The following PCDHA7 variants were observed in gnomAD, a reference collection of about 807,000 sequenced individuals.
PCDHA7 encodes protocadherin alpha 7, also known as protocadherin alpha-7.
In PCDHA7, 37 loss-of-function variants were observed where a neutral mutation model predicts 57.2. The observed-to-expected ratio is 0.65, with a 90% CI of 0.50 to 0.85. The LOEUF is 0.85. Ranked by LOEUF, PCDHA7 falls within the 40% of genes least tolerant of loss-of-function variation. The pLI, the probability that PCDHA7 is intolerant of heterozygous loss-of-function variation, is 0.00. For missense variants in PCDHA7, 1,188 were observed against 1,241.8 expected (o/e 0.96, Z 0.65); for synonymous variants, 553 against 558.8 (o/e 0.99, Z 0.15).
Position 140,850,211 on chromosome 5 carries a change from C to A in PCDHA7, c.2355+13473C>A, listed in dbSNP as rs2150473492. The stretch of plus-strand genomic sequence containing the variant: ...CGCTGCTGACACCTCGGATGAGGGG[C>A]ACTGACGGCGCAGTGAGCGAGATGG... On this transcript the variant is annotated intron_variant, in intron 1 of 3. Coordinates refer to ENST00000525929, the MANE Select transcript of PCDHA7 (RefSeq NM_018910.3). The A allele has an allele frequency of 5.0e-6, 8 of 1,593,540 alleles. 1 individual carries two copies. Among genetic ancestry groups the A allele is most frequent in the Non-Finnish European group, 6.0e-6 (7 of 1,167,626 alleles).
At chr5:140,867,316 T>C (rs1234644689) in intron 1 of PCDHA7, 5 of 152,146 alleles carry the variant, frequency 3.3e-5, no homozygotes, top group African/African-American at 1.2e-4. Context: ...TGTCATCTGG[T>C]CTAATGTTAT....
At chr5:140,858,190 G>T in intron 1 of PCDHA7, 1 of 1,597,502 alleles carries the variant, frequency 6.3e-7, no homozygotes, top group Admixed American at 1.7e-5. Context: ...TCACGCTGCT[G>T]CTGTACACTG....
intron 1 of PCDHA7, chr5:140,966,750 C>T: frequency 7.0e-7 from 1 of 1,428,438 alleles, no homozygotes; most frequent in African/African-American, 1.5e-5. Context: ...CGGCTGCCTC[C>T]GCCGCGGCCA....
Position 140,834,289 on chromosome 5 carries a change from T to C in PCDHA7, c.-95T>C, listed in dbSNP as rs191856620. Reference sequence around the variant, plus strand: ...CTTTCACTCTTTGGATGCACAACAATGGCCACACATCGAGATTGAAATGAA... The same window carrying C: ...CTTTCACTCTTTGGATGCACAACAACGGCCACACATCGAGATTGAAATGAA... On this transcript the variant is annotated 5_prime_UTR_variant, in exon 1 of 4. The change abolishes an upstream ATG in the 5' untranslated region. Coordinates refer to ENST00000525929, the MANE Select transcript of PCDHA7 (RefSeq NM_018910.3). 3.2e-4 allele frequency: 379 copies of C among 1,186,074 alleles called. 1 individual carries two copies. Among genetic ancestry groups the C allele is most frequent in the Non-Finnish European group, 1.5e-4 (124 of 833,276 alleles). The allele number at this position is 1,186,074 out of a possible 1,614,324, so 73.5% of individuals were successfully genotyped here.
chr5:140,837,077 TATAA>T (rs1774901335), intron 1 of PCDHA7: 1 of 173,054 alleles, frequency 5.8e-6, no homozygotes. Context: ...AATCAATACC[TATAA>T]ATGTTATAGT....
intron 1 of PCDHA7, among the ~76,000 whole-genome samples, chr5:140,951,349 T>C (rs1403359324): frequency 1.3e-5 from 2 of 152,144 alleles, no homozygotes; most frequent in Non-Finnish European, 2.9e-5. Flanking sequence ...GTTAGTCCAT[T>C]ATTGCACTGT....
chr5:140,929,225 C>T (rs1249117880), intron 1 of PCDHA7: 2 of 1,613,724 alleles, frequency 1.2e-6, no homozygotes, highest in Non-Finnish European at 1.7e-6. Flanking sequence ...TACAATGCTG[C>T]CGACCTGCGA....
rs572471986 is a variant in PCDHA7, at chr5:140,873,263, A to T, written c.2355+36525A>T. The stretch of plus-strand genomic sequence containing the variant: ...ATAAAATATTTCAGACTCAAAAGTG[A>T]TTAAACCATCATACCACTTATGAAA... On this transcript the variant is annotated intron_variant, in intron 1 of 3. Coordinates refer to ENST00000525929, the MANE Select transcript of PCDHA7 (RefSeq NM_018910.3). Among the ~76,000 whole-genome samples, 8 of 152,356 alleles carry T rather than the reference A, an allele frequency of 5.3e-5. 1 individual carries two copies. Among genetic ancestry groups the T allele is most frequent in the Middle Eastern group, 6.8e-3 (2 of 294 alleles).
At chr5:140,872,400 G>A (rs1582078480) in intron 1 of PCDHA7, among the ~76,000 whole-genome samples, 1 of 152,124 alleles carries the variant, frequency 6.6e-6, no homozygotes, top group Admixed American at 6.5e-5. Context: ...GCTGAGGCAG[G>A]AGAATTGCTT....
chr5:140,877,434 C>T, intron 1 of PCDHA7: 1 of 1,613,804 alleles, frequency 6.2e-7, no homozygotes, highest in South Asian at 1.1e-5. Flanking sequence ...TGAAGGACCA[C>T]GGTGAGCCCG....
At chr5:140,967,708 C>A (rs782464741) in intron 1 of PCDHA7, 1 of 1,614,158 alleles carries the variant, frequency 6.2e-7, no homozygotes, top group Admixed American at 1.7e-5. Context: ...ATGCCAGTAC[C>A]GGGGAAGTGC....
intron 1 of PCDHA7, among the ~76,000 whole-genome samples, chr5:140,957,554 G>A (rs1291687434): frequency 6.6e-6 from 1 of 152,074 alleles, no homozygotes; most frequent in African/African-American, 2.4e-5. Flanking sequence ...ATTCTCTGTG[G>A]AAAAGGAGGG....
intron 1 of PCDHA7, among the ~76,000 whole-genome samples, chr5:140,936,918 T>C (rs2091208385): frequency 6.6e-6 from 1 of 152,198 alleles, no homozygotes; most frequent in Non-Finnish European, 1.5e-5. Flanking sequence ...CTGTAGAAAA[T>C]ATGGGGTATA....
chr5:140,966,727 C>T (rs1330950109), intron 1 of PCDHA7: 4 of 1,405,404 alleles, frequency 2.8e-6, no homozygotes, highest in East Asian at 2.8e-5. Context: ...AAGCTGCCGC[C>T]TCCGGCCCTG....
At chr5:140,883,544 A>T in intron 1 of PCDHA7, 1 of 1,614,168 alleles carries the variant, frequency 6.2e-7, no homozygotes, top group South Asian at 1.1e-5. Flanking sequence ...ACTGGTGGTG[A>T]CCGCGCGGGA....
At chr5:140,959,269 C>A (rs1334380683) in intron 1 of PCDHA7, among the ~76,000 whole-genome samples, 1 of 151,924 alleles carries the variant, frequency 6.6e-6, no homozygotes, top group Non-Finnish European at 1.5e-5. Flanking sequence ...CCCAGCTACC[C>A]AGGAGCCTGA....
chr5:140,849,263 T>C, intron 1 of PCDHA7: 3 of 1,126,864 alleles, frequency 2.7e-6, no homozygotes, highest in African/African-American at 1.9e-5. Context: ...AAAACGTTTC[T>C]ATCGGAACGC....
At chr5:140,880,861 T>C (rs1416708298) in intron 1 of PCDHA7, among the ~76,000 whole-genome samples, 1 of 152,188 alleles carries the variant, frequency 6.6e-6, no homozygotes, top group African/African-American at 2.4e-5. Context: ...AGTCTAATTA[T>C]GTGAAGAGGT....
intron 1 of PCDHA7, chr5:140,864,839 G>T (rs1335962458): frequency 6.6e-6 from 1 of 152,156 alleles, no homozygotes; most frequent in African/African-American, 2.4e-5. Flanking sequence ...GTATAAGAGA[G>T]TCTTCCCATA....
Sources: allele counts gnomAD v4.1 joint callset (sites outside exome capture counted in the v4.1 genomes callset), GRCh38; gene constraint gnomAD v4.1.1; transcripts MANE v1.5; gene names NCBI Gene and HGNC (gene_info 2026-07-23, HGNC 2026-07-21).